The following GBP2 variants were observed in gnomAD, a reference collection of about 807,000 sequenced individuals.
GBP2 encodes guanylate binding protein 2.
Under a neutral mutation model 60.8 loss-of-function variants are expected in GBP2, and 54 were observed. The ratio of observed to expected loss-of-function variants is 0.89; its 90% CI spans 0.71 to 1.11. GBP2 has a LOEUF of 1.11. Among genes scored for constraint, GBP2 ranks in the 50% most tolerant of loss-of-function variants. The probability of loss-of-function intolerance (pLI) is 0.00; values close to 1 mark genes in which losing one functional copy is unlikely to be tolerated. For missense variants in GBP2, 665 were observed against 703.3 expected (o/e 0.95, Z 0.62); for synonymous variants, 243 against 256.5 (o/e 0.95, Z 0.50).
chr1:89,117,207 T>C lies in GBP2; in HGVS notation c.653A>G (p.Asn218Ser). The part of the protein sequence containing the change: ...KGTDKKSKSF[N>S]DPRLCIRKFF... ...CTTTCGGATGCACAACCGAGGATCA[T>C]TAAAGCTTTTACTTTTCTTATCAGT... Residue 218 changes from asparagine to serine, a missense_variant, in exon 6 of 11, where the codon AAT becomes AGT. Asn to Ser is a conservative substitution (Grantham distance 46). Coordinates refer to ENST00000370466, the MANE Select transcript of GBP2 (RefSeq NM_004120.5). 6.2e-7 allele frequency: 1 copy of C among 1,613,994 alleles called. No homozygotes were observed. The highest frequency in any genetic ancestry group is 8.5e-7 in the Non-Finnish European group (1 of 1,179,856).
At chr1:89,113,343 T>C (rs1681201907) in intron 7 of GBP2, among the ~76,000 whole-genome samples, 1 of 152,232 alleles carries the variant, frequency 6.6e-6, no homozygotes, top group South Asian at 2.1e-4. Context: ...TTTATCTACA[T>C]TAAATCACTC....
At position 89,117,748 on chromosome 1, in the gene GBP2, T is replaced by A; in HGVS notation, c.454A>T (p.Ile152Phe). The change falls in exon 5 of 11, where the codon ATC becomes TTC. Residue 152 changes from isoleucine to phenylalanine, a missense_variant. Ile to Phe is a conservative substitution (Grantham distance 21, BLOSUM62 0). Transcript: ENST00000370466. The part of the protein sequence containing the change: ...LHYVTELTDR[I>F]KANSSPGNNS... ...TTACCAGGTGAGGAGTTTGCCTTGA[T>A]TCGATCTGTCAGCTCTGTCACATAG... 1 of 1,613,616 alleles carries A rather than the reference T, an allele frequency of 6.2e-7. No individual in the cohort carries two copies. The highest frequency in any genetic ancestry group is 8.5e-7 in the Non-Finnish European group (1 of 1,179,784).
intron 6 of GBP2, among the ~76,000 whole-genome samples, chr1:89,116,148 G>A (rs1681267287): frequency 6.6e-6 from 1 of 152,008 alleles, no homozygotes; most frequent in Non-Finnish European, 1.5e-5. Flanking sequence ...GAGTAGCTGG[G>A]ATTACAGGTG....
intron 7 of GBP2, 118 bp downstream of exon 7, chr1:89,113,898 G>A: frequency 8.2e-7 from 1 of 1,214,128 alleles, no homozygotes; most frequent in Non-Finnish European, 1.2e-6. Flanking sequence ...GTCTTTTAAT[G>A]ATTATTTCAA....
intron 6 of GBP2, among the ~76,000 whole-genome samples, chr1:89,115,728 G>A (rs1240431912): frequency 1.3e-5 from 2 of 152,158 alleles, no homozygotes; most frequent in Non-Finnish European, 2.9e-5. Context: ...AGCCTCCTGA[G>A]TAGCTAGGAC....
At chr1:89,111,382 G>T (rs1681160512) in intron 8 of GBP2, among the ~76,000 whole-genome samples, 1 of 151,906 alleles carries the variant, frequency 6.6e-6, no homozygotes, top group Non-Finnish European at 1.5e-5. Flanking sequence ...TATTGCAGAT[G>T]GTATGATCTT....
chr1:89,107,305 T>C lies in GBP2; in HGVS notation c.*870A>G, dbSNP rs1265343851. Reference sequence around the variant, plus strand: ...AAATGCAGTCAAGTTTTAGGCTTTATAGGATTATAGTCCTGGTCCTCAGAA... The same window carrying C: ...AAATGCAGTCAAGTTTTAGGCTTTACAGGATTATAGTCCTGGTCCTCAGAA... On this transcript the variant is annotated 3_prime_UTR_variant, in exon 11 of 11. Coordinates refer to ENST00000370466, the MANE Select transcript of GBP2 (RefSeq NM_004120.5). 1.3e-5 allele frequency among the ~76,000 whole-genome samples: 2 copies of C among 152,186 alleles called. No individual in the cohort carries two copies. The highest frequency in any genetic ancestry group is 2.9e-5 in the Non-Finnish European group (2 of 68,034).
chr1:89,109,614 C>T (rs1392712602), intron 10 of GBP2, 63 bp downstream of exon 10: 3 of 1,499,302 alleles, frequency 2.0e-6, no homozygotes, highest in Non-Finnish European at 2.8e-6. Flanking sequence ...AGGTTCTCAA[C>T]CTTATACTTC....
Position 89,121,234 on chromosome 1 carries a change from T to C in GBP2, c.227A>G (p.Lys76Arg). The C allele has an allele frequency of 1.2e-6, 2 of 1,611,848 alleles. No individual in the cohort carries two copies. The highest frequency in any genetic ancestry group is 1.1e-5 in the South Asian group (1 of 90,922). ...AGGCACACACCACATCCAGATTCCC[T>C]TGGTGTGAGACTTCACTGTGGAGCC... ...SLGSTVKSHT[K>R]GIWMWCVPHP... The change falls in exon 3 of 11, where the codon AAG becomes AGG. Residue 76 changes from lysine to arginine, a missense_variant. By Grantham distance (26) the Lys-to-Arg change is conservative. Transcript: ENST00000370466.
chr1:89,117,667 T>A lies in GBP2; in HGVS notation c.535A>T (p.Thr179Ser). 2 of 1,613,906 alleles carry A rather than the reference T, an allele frequency of 1.2e-6. No homozygotes were observed. The highest frequency in any genetic ancestry group is 2.7e-5 in the African/African-American group (2 of 74,952). The change falls in exon 5 of 11, where the codon ACT becomes TCT. Residue 179 changes from threonine (T) to serine (S), a missense_variant. Transcript: ENST00000370466. The stretch of plus-strand genomic sequence containing the variant: ...AGTTCCAGGGTGAAATCTCTGAGAG[T>A]CCACACAAATGCTGGAAAAAAGCTC... ...FVSFFPAFVW[T>S]LRDFTLELEV...
Position 89,109,703 on chromosome 1 carries a change from C to G in GBP2, c.1633G>C (p.Glu545Gln). The stretch of plus-strand genomic sequence containing the variant: ...TGAAGTTTAAGAGCGAGGGTCTTCT[C>G]TTGCTCTGCCATTAACTGGGCCCTG... ...RDRAQLMAEQEKTLALKLQEQ... is the reference protein window; with the variant it reads ...RDRAQLMAEQQKTLALKLQEQ... Residue 545 changes from glutamate (E) to glutamine (Q), a missense_variant, in exon 10 of 11, where the codon GAG (glutamate) becomes CAG (glutamine). Coordinates refer to ENST00000370466, the MANE Select transcript of GBP2 (RefSeq NM_004120.5). 6.2e-7 allele frequency: 1 copy of G among 1,614,010 alleles called. No homozygotes were observed.
At chr1:89,122,110 C>G (rs1158709762) in intron 1 of GBP2, 127 bp from the exon 2 acceptor site, 2 of 567,768 alleles carry the variant, frequency 3.5e-6, no homozygotes, top group East Asian at 3.2e-5. Context: ...TTTTTTAAAG[C>G]CTGGTTTCTC....
rs1028490681 is a variant in GBP2 at position 89,110,105 on chromosome 1, T to C, written c.1465+59A>G. On this transcript the variant is annotated intron_variant, in intron 9 of 10. Coordinates refer to ENST00000370466, the MANE Select transcript of GBP2 (RefSeq NM_004120.5). Reference sequence around the variant, plus strand: ...AATAATAATTCCAGGTGGACCAATATTGCTAACTAACATTTTGAGAGCTTT... The same window carrying C: ...AATAATAATTCCAGGTGGACCAATACTGCTAACTAACATTTTGAGAGCTTT... 4.8e-6 allele frequency: 6 copies of C among 1,249,964 alleles called. No individual in the cohort carries two copies. In the South Asian group the frequency reaches 7.4e-5, roughly 15 times the overall value. 77.4% of individuals were successfully genotyped at this position (1,249,964 alleles called of 1,614,324 possible). A position where few individuals can be genotyped will look rare whatever the true frequency, so the allele number is the denominator to read the frequency against.
rs1325807888 is a variant in GBP2 at position 89,121,849 on chromosome 1, C to T, written c.118G>A (p.Val40Met). Residue 40 changes from valine (V) to methionine (M), a missense_variant, in exon 2 of 11, where the codon GTG becomes ATG. By Grantham distance (21) the Val-to-Met change is conservative. Coordinates refer to ENST00000370466, the MANE Select transcript of GBP2 (RefSeq NM_004120.5). The part of the protein sequence containing the change: ...ILSAITQPVV[V>M]VAIVGLYRTG... Reference sequence around the variant, plus strand: ...CGATAGAGGCCCACAATCGCCACCACCACCACAGGCTGCGTAATTGCAGAT... The same window carrying T: ...CGATAGAGGCCCACAATCGCCACCATCACCACAGGCTGCGTAATTGCAGAT... 3.1e-6 allele frequency: 5 copies of T among 1,614,042 alleles called. No homozygotes were observed. The highest frequency in any genetic ancestry group is 3.3e-5 in the Admixed American group (2 of 60,002).
chr1:89,124,989 T>C (rs139565640), intron 1 of GBP2, among the ~76,000 whole-genome samples: 24 of 152,332 alleles, frequency 1.6e-4, no homozygotes, highest in African/African-American at 5.8e-4. Context: ...GAGAGCAGTA[T>C]ATACACAATT....
intron 1 of GBP2, among the ~76,000 whole-genome samples, chr1:89,123,700 T>C (rs10922574): frequency 0.2 from 29,976 of 152,188 alleles, 3,208 homozygotes; most frequent in East Asian, 0.39. Flanking sequence ...GTAGTTAAAT[T>C]ATTTATTTGT....
At chr1:89,116,945 CAGA>C (rs1416505023) in intron 6 of GBP2, 44 bp downstream of exon 6, 1 of 1,603,220 alleles carries the variant, frequency 6.2e-7, no homozygotes, top group Admixed American at 1.7e-5. Context: ...CTACAATGGG[CAGA>C]AGGAGAAAGT....
In GBP2 at chr1:89,109,730, C is replaced by T. The variant is rs201745716; in HGVS notation, c.1606G>A (p.Asp536Asn). Residue 536 changes from aspartate (D) to asparagine (N), a missense_variant, in exon 10 of 11, where the codon GAC becomes AAC. Asp to Asn is a conservative substitution (Grantham distance 23). Coordinates refer to ENST00000370466, the MANE Select transcript of GBP2 (RefSeq NM_004120.5). Reference sequence around the variant, plus strand: ...TGCTCTGCCATTAACTGGGCCCTGTCCCTCTCCATCTTCTCAGTCAATTGT... The same window carrying T: ...TGCTCTGCCATTAACTGGGCCCTGTTCCTCTCCATCTTCTCAGTCAATTGT... ...VKQLTEKMERDRAQLMAEQEK... is the reference protein window; with the variant it reads ...VKQLTEKMERNRAQLMAEQEK... 1.2e-6 allele frequency: 2 copies of T among 1,613,994 alleles called. No individual in the cohort carries two copies. The highest frequency in any genetic ancestry group is 1.3e-5 in the African/African-American group (1 of 74,918).
chr1:89,120,329 A>T, intron 3 of GBP2, 41 bp from the exon 4 acceptor site: 1 of 1,451,204 alleles, frequency 6.9e-7, no homozygotes. Flanking sequence ...AATGACTAGC[A>T]GAATGTACAA....
Sources: gnomAD v4.1 joint callset for allele counts (sites outside exome capture counted in the v4.1 genomes callset) on GRCh38, gnomAD v4.1.1 for gene constraint, MANE v1.5 for transcripts, NCBI Gene and HGNC (gene_info 2026-07-23, HGNC 2026-07-21) for gene names.